Variants in PCDH15 observed in about 807,000 individuals in gnomAD.
The protein encoded by PCDH15 is protocadherin-15.
A neutral mutation model predicts 178.5 loss-of-function variants in PCDH15; 129 were observed. The observed-to-expected ratio is 0.72, with a 90% CI of 0.63 to 0.84. The LOEUF is 0.84. PCDH15 is among the 40% of genes least tolerant of loss of function. The pLI is 0.00. For missense variants in PCDH15, 2,230 were observed against 2,099.9 expected (o/e 1.06, Z -1.21); for synonymous variants, 800 against 732.0 (o/e 1.09, Z -1.50).
intron 1 of PCDH15, among the ~76,000 whole-genome samples, chr10:54,790,047 G>C (rs1318117123): frequency 6.6e-6 from 1 of 151,828 alleles, no homozygotes; most frequent in Non-Finnish European, 1.5e-5. Flanking sequence ...TTAAATAAAA[G>C]TATAGGTAAA....
At chr10:54,642,806 A>G (rs1320949676) in intron 2 of PCDH15, among the ~76,000 whole-genome samples, 1 of 152,222 alleles carries the variant, frequency 6.6e-6, no homozygotes, top group Admixed American at 6.5e-5. Flanking sequence ...AAATGCCCAA[A>G]ATATAATTTA....
At chr10:55,024,178 G>A (rs545396264) in intron 2 of PCDH15, among the ~76,000 whole-genome samples, 3 of 145,220 alleles carry the variant, frequency 2.1e-5, no homozygotes, top group Middle Eastern at 3.8e-3. Context: ...AATATATATA[G>A]AGAGAGGAAG....
At chr10:55,408,670 T>C (rs1203398195) in intron 2 of PCDH15, among the ~76,000 whole-genome samples, 1 of 152,144 alleles carries the variant, frequency 6.6e-6, no homozygotes, top group East Asian at 1.9e-4. Context: ...ACATATGCTC[T>C]AAGAATGGAC....
intron 8 of PCDH15, among the ~76,000 whole-genome samples, chr10:54,283,774 C>A (rs911650513): frequency 3.3e-5 from 5 of 152,054 alleles, no homozygotes; most frequent in African/African-American, 4.8e-5. Flanking sequence ...CTTCATACAC[C>A]AGGAGAGCTG....
chr10:54,343,310 A>T (rs1942606126), intron 6 of PCDH15, among the ~76,000 whole-genome samples: 1 of 151,980 alleles, frequency 6.6e-6, no homozygotes, highest in Non-Finnish European at 1.5e-5. Flanking sequence ...ATGAGGTCTG[A>T]TGGTTTAATA....
intron 5 of PCDH15, among the ~76,000 whole-genome samples, chr10:54,350,709 G>A (rs1055513338): frequency 1.3e-5 from 2 of 152,240 alleles, no homozygotes; most frequent in African/African-American, 4.8e-5. Flanking sequence ...CTGGCCAGAT[G>A]CCATGGCTCA....
At chr10:55,125,163 T>TGTGTGTGTGTG (rs1554833074) in intron 2 of PCDH15, among the ~76,000 whole-genome samples, 2 of 142,980 alleles carry the variant, frequency 1.4e-5, no homozygotes, top group Non-Finnish European at 3.1e-5. Flanking sequence ...TTTTTTTTAA[T>TGTGTGTGTGTG]TGTGTGTGTG....
At chr10:55,359,513 T>A (rs1845169437) in intron 2 of PCDH15, among the ~76,000 whole-genome samples, 1 of 151,792 alleles carries the variant, frequency 6.6e-6, no homozygotes, top group Non-Finnish European at 1.5e-5. Context: ...ATAGCCAATA[T>A]GACAGTATGG....
intron 15 of PCDH15, among the ~76,000 whole-genome samples, chr10:54,120,004 A>C (rs1367379675): frequency 6.6e-6 from 1 of 152,030 alleles, no homozygotes. Context: ...CTCCTACTTA[A>C]AGGCAGATAG....
chr10:55,519,745 T>A (rs1229489882), intron 2 of PCDH15, among the ~76,000 whole-genome samples: 1 of 151,682 alleles, frequency 6.6e-6, no homozygotes, highest in Non-Finnish European at 1.5e-5. Context: ...TCTTTTTTTT[T>A]ACAATTTCCC....
At chr10:55,252,834 C>T (rs1439100472) in intron 1 of PCDH15, among the ~76,000 whole-genome samples, 3 of 151,782 alleles carry the variant, frequency 2.0e-5, no homozygotes, top group South Asian at 2.1e-4. Context: ...AACTAGAAGA[C>T]GATTACAATT....
intron 2 of PCDH15, among the ~76,000 whole-genome samples, chr10:55,426,431 G>A (rs1196821448): frequency 1.3e-5 from 2 of 152,156 alleles, no homozygotes; most frequent in Non-Finnish European, 1.5e-5. Flanking sequence ...AGGTGAGCAG[G>A]TACAGGAGCA....
At chr10:55,229,745 C>T (rs1841158038) in intron 1 of PCDH15, among the ~76,000 whole-genome samples, 1 of 152,160 alleles carries the variant, frequency 6.6e-6, no homozygotes, top group South Asian at 2.1e-4. Context: ...GAGAAAATAA[C>T]ACTCTTTCAT....
At chr10:55,381,801 A>C (rs1427657718) in intron 2 of PCDH15, among the ~76,000 whole-genome samples, 1 of 152,128 alleles carries the variant, frequency 6.6e-6, no homozygotes, top group Non-Finnish European at 1.5e-5. Context: ...GGAAAACAAA[A>C]GCCTCTAAGT....
chr10:55,185,904 T>A (rs994206071), intron 1 of PCDH15, among the ~76,000 whole-genome samples: 7 of 151,782 alleles, frequency 4.6e-5, no homozygotes, highest in African/African-American at 1.4e-4. Context: ...AATATTTACA[T>A]ATTTCAATAC....
rs750934480 is a variant in PCDH15, at chr10:53,808,900, A to T, written c.4671+1656T>A. Reference sequence around the variant, plus strand: ...TGATTCTGCACTGCCCTCTTCAGGGATATCTTGAGCTTCAGGGTCTGTACT... The same window carrying T: ...TGATTCTGCACTGCCCTCTTCAGGGTTATCTTGAGCTTCAGGGTCTGTACT... On this transcript the variant is annotated intron_variant, in intron 37 of 37. Transcript: ENST00000644397. The T allele has an allele frequency of 6.3e-7, 1 of 1,585,966 alleles. No homozygotes were observed. Among genetic ancestry groups the T allele is most frequent in the African/African-American group, 1.3e-5 (1 of 74,286 alleles).
chr10:54,799,781 C>A (rs1324199363), intron 1 of PCDH15, among the ~76,000 whole-genome samples: 1 of 152,062 alleles, frequency 6.6e-6, no homozygotes. Flanking sequence ...TGTACAGATA[C>A]ATTCACTCAT....
intron 1 of PCDH15, among the ~76,000 whole-genome samples, chr10:54,769,597 G>A (rs1948868450): frequency 6.6e-6 from 1 of 151,780 alleles, no homozygotes; most frequent in Non-Finnish European, 1.5e-5. Context: ...ATATTTACAG[G>A]AAACATCATC....
intron 2 of PCDH15, among the ~76,000 whole-genome samples, chr10:55,607,646 G>A (rs1327670116): frequency 6.8e-6 from 1 of 148,052 alleles, no homozygotes; most frequent in African/African-American, 2.5e-5. Context: ...ACTATCACAA[G>A]AACAAAAAAC....
Sources: gnomAD v4.1 joint callset for allele counts (sites outside exome capture counted in the v4.1 genomes callset) on GRCh38, gnomAD v4.1.1 for gene constraint, MANE v1.5 for transcripts, NCBI Gene and HGNC (gene_info 2026-07-23, HGNC 2026-07-21) for gene names.